PCDHA10: variants seen among roughly 807,000 people sequenced by gnomAD.
PCDHA10 encodes the protein protocadherin alpha-10.
A neutral mutation model predicts 61.2 loss-of-function variants in PCDHA10; 45 were observed. The observed-to-expected ratio is 0.74, with a 90% CI of 0.58 to 0.94. The LOEUF is 0.94. PCDHA10 is among the 40% of genes least tolerant of loss of function. The probability of loss-of-function intolerance (pLI) is 0.00; values close to 1 mark genes in which losing one functional copy is unlikely to be tolerated. For missense variants in PCDHA10, 1,278 were observed against 1,236.2 expected (o/e 1.03, Z -0.51); for synonymous variants, 602 against 548.8 (o/e 1.10, Z -1.35).
intron 1 of PCDHA10, among the ~76,000 whole-genome samples, chr5:140,973,261 C>G (rs1162687249): frequency 6.6e-6 from 1 of 152,156 alleles, no homozygotes; most frequent in African/African-American, 2.4e-5. Flanking sequence ...TCAGTGGCAC[C>G]TACTTTTATT....
At chr5:140,877,631 C>A (rs1220029307) in intron 1 of PCDHA10, 2 of 1,613,768 alleles carry the variant, frequency 1.2e-6, no homozygotes, top group South Asian at 1.1e-5. Flanking sequence ...CTGTACACTG[C>A]GCTGCGTTGC....
rs114173550 is a variant in PCDHA10, at chr5:140,996,928, G to T, written c.2537-12699G>T. Among the ~76,000 whole-genome samples the T allele has an allele frequency of 1.8e-3, 279 of 152,148 alleles. 1 individual carries two copies. Among genetic ancestry groups the T allele is most frequent in the Non-Finnish European group, 3.0e-3 (203 of 67,996 alleles). ...GTTGAAGTAAATATTAAAAAATATA[G>T]CATTTTTGCATAGAAATATTTATTT... On this transcript the variant is annotated intron_variant, in intron 3 of 3. Coordinates refer to ENST00000307360, the MANE Select transcript of PCDHA10 (RefSeq NM_018901.4).
At chr5:140,915,682 G>A (rs1239251164) in intron 1 of PCDHA10, among the ~76,000 whole-genome samples, 1 of 151,322 alleles carries the variant, frequency 6.6e-6, no homozygotes, top group Admixed American at 6.6e-5. Context: ...CTTGAACTAG[G>A]GGTATGGTGA....
intron 1 of PCDHA10, among the ~76,000 whole-genome samples, chr5:140,874,557 G>A (rs782715249): frequency 9.9e-5 from 15 of 152,144 alleles, no homozygotes; most frequent in Non-Finnish European, 1.6e-4. Flanking sequence ...GAGATCTTTC[G>A]CATTTTAGTG....
intron 1 of PCDHA10, chr5:140,860,578 G>T (rs1420299092): frequency 1.3e-5 from 2 of 152,134 alleles, no homozygotes; most frequent in Non-Finnish European, 2.9e-5. Flanking sequence ...ACACAAGAAG[G>T]TATAGGAAAG....
intron 1 of PCDHA10, among the ~76,000 whole-genome samples, chr5:140,902,661 C>T (rs1554190552): frequency 6.6e-6 from 1 of 152,036 alleles, no homozygotes; most frequent in Non-Finnish European, 1.5e-5. Flanking sequence ...CACCTGTCAC[C>T]CAAGCAGTGT....
At chr5:140,877,403 G>A (rs199806507) in intron 1 of PCDHA10, 243 of 1,613,770 alleles carry the variant, frequency 1.5e-4, no homozygotes, top group Non-Finnish European at 1.9e-4. Flanking sequence ...GACGCTCCGC[G>A]CCACCGCCTG....
intron 3 of PCDHA10, among the ~76,000 whole-genome samples, chr5:141,004,121 C>T (rs1250923202): frequency 6.6e-6 from 1 of 152,230 alleles, no homozygotes; most frequent in Non-Finnish European, 1.5e-5. Flanking sequence ...AAGGGAGTAT[C>T]TCCATGATTC....
chr5:140,941,841 A>G (rs1483251367), intron 1 of PCDHA10, among the ~76,000 whole-genome samples: 1 of 152,180 alleles, frequency 6.6e-6, no homozygotes, highest in Non-Finnish European at 1.5e-5. Flanking sequence ...TTAGGCTGCC[A>G]TTACCTGATA....
In PCDHA10 at chr5:140,857,453, C is replaced by T. The variant is rs545328956; in HGVS notation, c.1405C>T (p.Pro469Ser). 59 of 1,598,490 alleles carry T rather than the reference C, an allele frequency of 3.7e-5. 5 individuals carry two copies. The highest frequency in any genetic ancestry group is 5.1e-5 in the Non-Finnish European group (59 of 1,167,918). The change falls in exon 1 of 4, where the codon CCA becomes TCA. Residue 469 changes from proline to serine, a missense_variant. Coordinates refer to ENST00000307360, the MANE Select transcript of PCDHA10 (RefSeq NM_018901.4). ...GGTGTTCGTGAAGGAGAACAACCCG[C>T]CAGGCTGCCACATCTTCACGGTGTC... ...YTVFVKENNP[P>S]GCHIFTVSAW...
chr5:141,007,366 CATG>C (rs1319534619), intron 3 of PCDHA10, among the ~76,000 whole-genome samples: 13 of 118,904 alleles, frequency 1.1e-4, no homozygotes, highest in Admixed American at 7.7e-4. Flanking sequence ...GCCTGGGCAA[CATG>C]ATGGAACACC....
intron 1 of PCDHA10, among the ~76,000 whole-genome samples, chr5:140,889,326 G>A (rs2062188363): frequency 6.6e-6 from 1 of 151,922 alleles, no homozygotes; most frequent in African/African-American, 2.4e-5. Flanking sequence ...TCTGTATCAG[G>A]ATTTTGATTG....
intron 1 of PCDHA10, chr5:140,871,565 G>A: frequency 3.4e-6 from 5 of 1,483,114 alleles, no homozygotes; most frequent in South Asian, 1.4e-5. Context: ...TTTTTTTCAC[G>A]GATTTTTTAA....
chr5:140,924,785 C>G (rs2082005933), intron 1 of PCDHA10, among the ~76,000 whole-genome samples: 1 of 151,704 alleles, frequency 6.6e-6, no homozygotes, highest in African/African-American at 2.4e-5. Context: ...GTCCTAGCTA[C>G]TTAGGAGGCT....
chr5:140,856,458 A>C lies in PCDHA10; in HGVS notation c.410A>C (p.Gln137Pro). 15 of 1,598,416 alleles carry C rather than the reference A, an allele frequency of 9.4e-6. No individual in the cohort carries two copies. Among genetic ancestry groups the C allele is most frequent in the Non-Finnish European group, 1.3e-5 (15 of 1,167,922 alleles). Residue 137 changes from glutamine to proline, a missense_variant, in exon 1 of 4, where the codon CAA becomes CCA. Gln to Pro is a moderately conservative substitution (Grantham distance 76). Coordinates refer to ENST00000307360, the MANE Select transcript of PCDHA10 (RefSeq NM_018901.4). ...CCGCCCAGGTTCTCCGTAACAGAAC[A>C]AAAGCTCTCAATACCTGAATCCAGA... ...DNPPRFSVTE[Q>P]KLSIPESRLL...
At chr5:140,941,290 T>A (rs1403658442) in intron 1 of PCDHA10, among the ~76,000 whole-genome samples, 1 of 69,836 alleles carries the variant, frequency 1.4e-5, no homozygotes, top group Non-Finnish European at 3.3e-5. Flanking sequence ...TCCTTTCTCT[T>A]TCTTTCTTTC....
intron 1 of PCDHA10, among the ~76,000 whole-genome samples, chr5:140,961,831 T>G (rs1447917023): frequency 6.6e-6 from 1 of 152,194 alleles, no homozygotes; most frequent in African/African-American, 2.4e-5. Flanking sequence ...TGTAAGTTAT[T>G]TCAGTGCCTT....
rs920860677 is a variant in PCDHA10, at chr5:140,985,387, C to T, written c.2536+2824C>T. Among the ~76,000 whole-genome samples the T allele has an allele frequency of 3.0e-4, 45 of 152,272 alleles. 1 individual carries two copies. Among genetic ancestry groups the T allele is most frequent in the African/African-American group, 9.9e-4 (41 of 41,542 alleles). On this transcript the variant is annotated intron_variant, in intron 3 of 3. Transcript: ENST00000307360. ...GTTATCTGGGTCTATATAATCCAGTCACCCCAACTGTTCCCCTGGAAATGG... is the reference window on the plus strand; with the variant it reads ...GTTATCTGGGTCTATATAATCCAGTTACCCCAACTGTTCCCCTGGAAATGG...
Position 140,875,764 on chromosome 5 carries a change from C to T in PCDHA10, c.2388+17328C>T, listed in dbSNP as rs782377276. On this transcript the variant is annotated intron_variant, in intron 1 of 3. Coordinates refer to ENST00000307360, the MANE Select transcript of PCDHA10 (RefSeq NM_018901.4). ...GATCGACCGCGAGAAGCTGTGCGGGCGGAGCGCGGAGTGCAGTATCCACCT... is the reference window on the plus strand; with the variant it reads ...GATCGACCGCGAGAAGCTGTGCGGGTGGAGCGCGGAGTGCAGTATCCACCT... 27 of 1,614,078 alleles carry T rather than the reference C, an allele frequency of 1.7e-5. No homozygotes were observed. In the South Asian group the frequency reaches 2.1e-4, roughly 12 times the overall value.
Sources: allele counts gnomAD v4.1 joint callset (sites outside exome capture counted in the v4.1 genomes callset), GRCh38; gene constraint gnomAD v4.1.1; transcripts MANE v1.5; gene names NCBI Gene and HGNC (gene_info 2026-07-23, HGNC 2026-07-21).